Variants in ZNF226 observed in about 807,000 individuals in gnomAD.
ZNF226 encodes Kruppel-associated box protein.
ZNF226 carries 6 observed loss-of-function variants against 11.4 expected under a neutral mutation model. The observed-to-expected ratio is 0.53, with a 90% confidence interval of 0.29 to 1.04. The LOEUF (loss-of-function observed/expected upper bound fraction) is 1.04, where lower values mean the gene tolerates loss of function less well. Ranked by LOEUF, ZNF226 falls within the 50% of genes least tolerant of loss-of-function variation. The pLI, the probability that ZNF226 is intolerant of heterozygous loss-of-function variation, is 0.08. For synonymous variants in ZNF226, 350 were observed against 322.8 expected, an observed-to-expected ratio of 1.08 and a Z score of -0.90; for missense variants, 1,058 against 956.5, an observed-to-expected ratio of 1.11 and a Z score of -1.40.
At chr19:44,197,304 TC>T in the ZNF226 span, among the ~76,000 whole-genome samples, 1 of 152,230 alleles carries the variant, frequency 6.6e-6, no homozygotes, top group African/African-American at 2.4e-5. Flanking sequence ...TGAAACATTT[TC>T]CAAAGTGATT....
the ZNF226 span, among the ~76,000 whole-genome samples, chr19:44,190,219 C>G: frequency 2.6e-5 from 4 of 151,694 alleles, no homozygotes; most frequent in Non-Finnish European, 5.9e-5. Flanking sequence ...ATTTTAGGTT[C>G]TTGTATTATT....
In ZNF226 at chr19:44,174,428, A is replaced by G. The variant is rs1484563466; in HGVS notation, c.236-1070A>G. The G allele has an allele frequency of 3.3e-5, 5 of 152,402 alleles. No homozygotes were observed. In the South Asian group the frequency reaches 1.0e-3, roughly 32 times the overall value. 9.4% of individuals were successfully genotyped at this position (152,402 alleles called of 1,614,324 possible). On this transcript the variant is annotated intron_variant, in intron 5 of 5. Coordinates refer to ENST00000337433, the MANE Select transcript of ZNF226 (RefSeq NM_001032373.2). ...AAAAAGTAAAACTAAAAACCAGGAC[A>G]TGAGCATTAGCCTTTCCCTCAAAAT...
the ZNF226 span, among the ~76,000 whole-genome samples, chr19:44,186,025 T>G: frequency 5.3e-4 from 80 of 152,188 alleles, no homozygotes; most frequent in East Asian, 0.015. Flanking sequence ...TGTCCTTTCC[T>G]CATTGTGTAA....
At position 44,165,126 on chromosome 19, in the gene ZNF226, T is replaced by A. The variant is rs1012591458; in HGVS notation, c.-114T>A. 1.3e-5 allele frequency: 2 copies of A among 152,234 alleles called. No homozygotes were observed. The highest frequency in any genetic ancestry group is 2.9e-5 in the Non-Finnish European group (2 of 68,060). 9.4% of individuals were successfully genotyped at this position (152,234 alleles called of 1,614,324 possible). ...GACGACGTAGCAGCCATCTTTTCCC[T>A]GGCTTTGGTGATTCAGGTCAGCTTC... On this transcript the variant is annotated 5_prime_UTR_variant, in exon 1 of 6. Transcript: ENST00000337433.
intron 3 of ZNF226, among the ~76,000 whole-genome samples, chr19:44,170,685 G>C (rs898362920): frequency 2.0e-5 from 3 of 152,346 alleles, no homozygotes; most frequent in African/African-American, 7.2e-5. Flanking sequence ...AGTGAGCAGA[G>C]ATCGTACCAC....
chr19:44,171,304 T>C (rs1366230631), intron 3 of ZNF226, among the ~76,000 whole-genome samples: 1 of 152,242 alleles, frequency 6.6e-6, no homozygotes, highest in African/African-American at 2.4e-5. Context: ...TGTGTCAAGA[T>C]TTAACAGCTG....
the ZNF226 span, among the ~76,000 whole-genome samples, chr19:44,197,667 A>G: frequency 6.6e-6 from 1 of 152,174 alleles, no homozygotes; most frequent in Non-Finnish European, 1.5e-5. Flanking sequence ...ACATTTGTAT[A>G]TTCTTCATAT....
At chr19:44,186,987 G>A in the ZNF226 span, among the ~76,000 whole-genome samples, 9 of 151,608 alleles carry the variant, frequency 5.9e-5, no homozygotes, top group South Asian at 1.7e-3. Context: ...ATCATGACCT[G>A]TGATTCTTTT....
chr19:44,195,956 C>A, the ZNF226 span, among the ~76,000 whole-genome samples: 1 of 152,142 alleles, frequency 6.6e-6, no homozygotes, highest in Admixed American at 6.5e-5. Context: ...CACACTACAG[C>A]CTCAGGCTGT....
chr19:44,180,080 C>CT (rs1475292524), downstream of ZNF226, among the ~76,000 whole-genome samples: 5 of 103,358 alleles, frequency 4.8e-5, no homozygotes, highest in African/African-American at 2.3e-4. Context: ...GAGCAAGACT[C>CT]TGTCTCAAAA....
At position 44,176,045 on chromosome 19, in the gene ZNF226, C is replaced by G. The variant is rs1216902010; in HGVS notation, c.783C>G (p.Phe261Leu). The G allele has an allele frequency of 8.1e-6, 13 of 1,614,060 alleles. No homozygotes were observed. Among genetic ancestry groups the G allele is most frequent in the Non-Finnish European group, 1.1e-5 (13 of 1,179,960 alleles). Residue 261 changes from phenylalanine to leucine, a missense_variant, in exon 6 of 6, where the codon TTC (phenylalanine) becomes TTG (leucine). Coordinates refer to ENST00000337433, the MANE Select transcript of ZNF226 (RefSeq NM_001032373.2). ...AGTGTAATGAGTGTAAAAAACCCTT[C>G]AGTGATCTCTCCAGCTTTGATCTTC... Reference protein sequence around the residue: ...SYQCNECKKPFSDLSSFDLHQ... With the variant: ...SYQCNECKKPLSDLSSFDLHQ...
At chr19:44,192,131 G>A in the ZNF226 span, among the ~76,000 whole-genome samples, 1,860 of 152,236 alleles carry the variant, frequency 0.012, 43 homozygotes, top group African/African-American at 0.043. Flanking sequence ...GGAATTTATT[G>A]GTTAAACAGC....
chr19:44,185,261 A>T, the ZNF226 span, among the ~76,000 whole-genome samples: 1 of 152,220 alleles, frequency 6.6e-6, no homozygotes, highest in Non-Finnish European at 1.5e-5. Context: ...TTTTGGATAT[A>T]TACCCGGAAG....
At chr19:44,178,978 G>A (rs995299798), downstream of ZNF226, among the ~76,000 whole-genome samples, 5 of 152,040 alleles carry the variant, frequency 3.3e-5, no homozygotes, top group Non-Finnish European at 7.4e-5. Flanking sequence ...TCAGGAGTTC[G>A]AGACCAACCT....
Position 44,177,150 on chromosome 19 carries a change from CT to C in ZNF226, c.1892del (p.Leu631TrpfsTer54), listed in dbSNP as rs1970766862. 6.2e-7 allele frequency: 1 copy of C among 1,613,982 alleles called. No homozygotes were observed. Among genetic ancestry groups the C allele is most frequent in the Non-Finnish European group, 8.5e-7 (1 of 1,179,962 alleles). ...GAAGGTCTTCAGGCAGGCCTCAAAT[CT>C]TTTGGCCCATCAGAGAGTCCACAGT... Reference protein sequence around the residue: ...CGKVFRQASNLLAHQRVHSGE... With the variant: ...CGKVFRQASNXLAHQRVHSGE... On this transcript the variant is annotated frameshift_variant, in exon 6 of 6. Coordinates refer to ENST00000337433, the MANE Select transcript of ZNF226 (RefSeq NM_001032373.2). LOFTEE classifies it low-confidence loss of function (END_TRUNC).
chr19:44,184,883 C>T, the ZNF226 span, among the ~76,000 whole-genome samples: 1 of 152,212 alleles, frequency 6.6e-6, no homozygotes, highest in East Asian at 1.9e-4. Context: ...AACTTTTCAT[C>T]TCACAGCACT....
At chr19:44,198,604 A>C in the ZNF226 span, among the ~76,000 whole-genome samples, 2 of 152,198 alleles carry the variant, frequency 1.3e-5, no homozygotes, top group Non-Finnish European at 2.9e-5. Context: ...TAATGCAAGT[A>C]ACCAAAGACC....
At position 44,176,580 on chromosome 19, in the gene ZNF226, G is replaced by A. The variant is rs1284517787; in HGVS notation, c.1318G>A (p.Val440Ile). The change falls in exon 6 of 6, where the codon GTC (valine) becomes ATC (isoleucine). Residue 440 changes from valine to isoleucine, a missense_variant. By Grantham distance (29) the Val-to-Ile change is conservative. Coordinates refer to ENST00000337433, the MANE Select transcript of ZNF226 (RefSeq NM_001032373.2). Reference protein sequence around the residue: ...CSSNLYIHQRVHTGEKPYKCE... With the variant: ...CSSNLYIHQRIHTGEKPYKCE... ...CTCAAATCTTTACATTCATCAGAGA[G>A]TCCACACAGGAGAAAAACCCTATAA... is the stretch of plus-strand genomic sequence containing the variant. The A allele has an allele frequency of 1.9e-6, 3 of 1,614,072 alleles. No homozygotes were observed. In the East Asian group the frequency reaches 6.7e-5, roughly 36 times the overall value.
downstream of ZNF226, among the ~76,000 whole-genome samples, chr19:44,182,644 T>C (rs1970923986): frequency 6.6e-6 from 1 of 152,042 alleles, no homozygotes; most frequent in Non-Finnish European, 1.5e-5. Context: ...TAGTAACTCT[T>C]CTCGGCAGAC....
Sources: allele counts gnomAD v4.1 joint callset (sites outside exome capture counted in the v4.1 genomes callset), GRCh38; gene constraint gnomAD v4.1.1; transcripts MANE v1.5; gene names NCBI Gene and HGNC (gene_info 2026-07-23, HGNC 2026-07-21).